The following C11orf65 variants were observed in gnomAD, a reference collection of about 807,000 sequenced individuals.
C11orf65 encodes the protein chromosome 11 open reading frame 65.
In C11orf65, 38 loss-of-function variants were observed where a neutral mutation model predicts 35.3. The ratio of observed to expected loss-of-function variants is 1.08; its 90% confidence interval spans 0.83 to 1.41. The LOEUF (loss-of-function observed/expected upper bound fraction) is 1.41, where lower values mean the gene tolerates loss of function less well. Ranked by LOEUF, C11orf65 falls within the 40% of genes most tolerant of loss-of-function variation. C11orf65 has a pLI of 0.00. For missense variants in C11orf65, 370 were observed against 367.1 expected (o/e 1.01, Z -0.06); for synonymous variants, 105 against 114.4 (o/e 0.92, Z 0.53).
intron 2 of C11orf65, among the ~76,000 whole-genome samples, chr11:108,346,242 C>T (rs1048723538): frequency 4.6e-5 from 7 of 151,912 alleles, no homozygotes; most frequent in African/African-American, 1.7e-4. Flanking sequence ...AATAATGAAA[C>T]CTGTGATAAC....
At chr11:108,310,240 G>A in intron 6 of C11orf65, 1 of 1,613,500 alleles carries the variant, frequency 6.2e-7, no homozygotes. Context: ...GCTCAGTCTT[G>A]TGCTGCTCAC....
intron 2 of C11orf65, among the ~76,000 whole-genome samples, chr11:108,359,958 G>C: frequency 6.6e-6 from 1 of 151,874 alleles, no homozygotes; most frequent in Non-Finnish European, 1.5e-5. Context: ...GAGCAGAACT[G>C]AAGGAAATAG....
At chr11:108,368,155 A>G (rs141276913) in intron 2 of C11orf65, 2 of 207,506 alleles carry the variant, frequency 9.6e-6, no homozygotes, top group African/African-American at 4.5e-5. Context: ...TTACATACAG[A>G]TCACAAGCCT....
chr11:108,445,823 C>T (rs1361651193), intron 2 of C11orf65, among the ~76,000 whole-genome samples: 12 of 152,014 alleles, frequency 7.9e-5, no homozygotes, highest in East Asian at 1.9e-4. Flanking sequence ...CAAACGACTC[C>T]GAGCTACAGG....
At chr11:108,413,375 T>A (rs1362477531) in intron 3 of C11orf65, among the ~76,000 whole-genome samples, 1 of 152,210 alleles carries the variant, frequency 6.6e-6, no homozygotes, top group East Asian at 1.9e-4. Context: ...CCACTGTCTA[T>A]CACTCCACTC....
chr11:108,419,924 G>C (rs916738509), intron 3 of C11orf65, among the ~76,000 whole-genome samples: 1 of 152,050 alleles, frequency 6.6e-6, no homozygotes, highest in African/African-American at 2.4e-5. Context: ...GCAAGAAAAA[G>C]AAATAAAATG....
downstream of C11orf65, chr11:108,327,575 G>T: frequency 7.7e-7 from 1 of 1,292,088 alleles, no homozygotes. Context: ...TTTTTTCCCC[G>T]TACATGAAGG....
intron 2 of C11orf65, among the ~76,000 whole-genome samples, chr11:108,358,642 A>C (rs1565592550): frequency 6.9e-6 from 1 of 144,544 alleles, no homozygotes; most frequent in Non-Finnish European, 1.5e-5. Flanking sequence ...GCCAATATTC[A>C]ACATTCTTAA....
chr11:108,467,655 G>C (rs527733084), upstream of C11orf65: 18 of 152,218 alleles, frequency 1.2e-4, 1 homozygote, highest in Admixed American at 8.5e-4. Flanking sequence ...AAGGCTGCTG[G>C]TTCTGTTAGA....
intron 3 of C11orf65, chr11:108,331,625 G>T: frequency 7.0e-7 from 1 of 1,432,040 alleles, no homozygotes; most frequent in Non-Finnish European, 9.3e-7. Context: ...ATTATATAAA[G>T]TATATATACC....
At position 108,319,933 on chromosome 11, in the gene C11orf65, T is replaced by C. The variant is rs760637523; in HGVS notation, c.641-10862A>G. The C allele has an allele frequency of 3.2e-6, 5 of 1,542,600 alleles. No homozygotes were observed. The South Asian group carries it at 5.6e-5, about 17-fold the overall frequency. On this transcript the variant is annotated intron_variant, in intron 6 of 6. Coordinates refer to the C11orf65 transcript ENST00000525729. ...AGGGTTCTGTTTTTAAGTATATTTT[T>C]TTCTTTGACTTATCTCACAGCAAAG... is the stretch of plus-strand genomic sequence containing the variant.
chr11:108,439,419 G>C (rs1041291128), intron 2 of C11orf65, among the ~76,000 whole-genome samples: 3 of 152,188 alleles, frequency 2.0e-5, no homozygotes, highest in African/African-American at 4.8e-5. Flanking sequence ...GGTAAAGTTT[G>C]GCAGTTCCTC....
At chr11:108,468,981 A>T (rs2093561966), upstream of C11orf65, among the ~76,000 whole-genome samples, 1 of 152,008 alleles carries the variant, frequency 6.6e-6, no homozygotes, top group South Asian at 2.1e-4. Flanking sequence ...AGTAGCTGGG[A>T]CTACAGGCGC....
rs988844866 is a variant in C11orf65 at position 108,335,787 on chromosome 11, CTG to C, written c.227-497_227-496del. ...TGCCCTTTGCTATTCTCAGATGACT[CTG>C]TGTTTTTATAATAAAATAAACTGTA... On this transcript the variant is annotated intron_variant, in intron 2 of 3. Coordinates refer to the C11orf65 transcript ENST00000524755. The C allele has an allele frequency of 1.4e-5, 19 of 1,400,616 alleles. No individual in the cohort carries two copies. In the African/African-American group the frequency reaches 1.7e-4, roughly 13 times the overall value. The allele number at this position is 1,400,616 out of a possible 1,614,324, so 86.8% of individuals were successfully genotyped here.
chr11:108,331,939 G>A lies in C11orf65; in HGVS notation c.300-372C>T, dbSNP rs940285361. 3 of 1,613,774 alleles carry A rather than the reference G, an allele frequency of 1.9e-6. No homozygotes were observed. The African/African-American group carries it at 4.0e-5, about 22-fold the overall frequency. On this transcript the variant is annotated intron_variant, in intron 3 of 3. Transcript: ENST00000524755. ...CACTTTGTTTATTATACTGGCCTTA[G>A]CAAATGCAAACAGAGATGAATTTCT...
intron 7 of C11orf65, 28 bp downstream of exon 7, chr11:108,393,180 T>C (rs200159106): frequency 1.8e-4 from 284 of 1,589,836 alleles, no homozygotes; most frequent in Non-Finnish European, 2.3e-4. Context: ...ACTGCCCTTG[T>C]TCCCCAAGAA....
chr11:108,398,933 G>C (rs553820395), intron 6 of C11orf65, among the ~76,000 whole-genome samples: 1 of 152,272 alleles, frequency 6.6e-6, no homozygotes, highest in Admixed American at 6.5e-5. Flanking sequence ...CCTCTATTAT[G>C]GGAATGGTCT....
intron 2 of C11orf65, among the ~76,000 whole-genome samples, chr11:108,443,012 A>G (rs944673066): frequency 6.6e-6 from 1 of 152,238 alleles, no homozygotes; most frequent in Non-Finnish European, 1.5e-5. Flanking sequence ...CAACTAAAAG[A>G]CACAGACTGG....
At position 108,326,230 on chromosome 11, in the gene C11orf65, G is replaced by T. The variant is rs575354684; in HGVS notation, c.641-17159C>A. The T allele has an allele frequency of 1.3e-5, 21 of 1,610,636 alleles. No homozygotes were observed. Among genetic ancestry groups the T allele is most frequent in the Non-Finnish European group, 1.6e-5 (19 of 1,177,844 alleles). On this transcript the variant is annotated intron_variant, in intron 6 of 6. Coordinates refer to the C11orf65 transcript ENST00000525729. ...TTGGATGCCAGCTGTGCAGCGGTTT[G>T]TTTTTTTTATTGGCTGGATTAGTGT...
Sources: gnomAD v4.1 joint callset for allele counts (sites outside exome capture counted in the v4.1 genomes callset) on GRCh38, gnomAD v4.1.1 for gene constraint, MANE v1.5 for transcripts, NCBI Gene and HGNC (gene_info 2026-07-23, HGNC 2026-07-21) for gene names.